MOK: variants seen among roughly 807,000 people sequenced by gnomAD.
MOK encodes the protein MOK protein kinase.
In MOK, 59 loss-of-function variants were observed where a neutral mutation model predicts 54.2. The ratio of observed to expected loss-of-function variants is 1.09; its 90% CI spans 0.88 to 1.35. The LOEUF (loss-of-function observed/expected upper bound fraction) is 1.35. Ranked by LOEUF, MOK falls within the 40% of genes most tolerant of loss-of-function variation. MOK has a pLI of 0.00. For missense variants in MOK, 517 were observed against 526.2 expected (o/e 0.98, Z 0.17); for synonymous variants, 210 against 202.7 (o/e 1.04, Z -0.31).
rs78208456 is a variant in MOK, at chr14:102,232,414, G to T, written c.866+121C>A. 1 of 1,204,880 alleles carries T rather than the reference G, an allele frequency of 8.3e-7. No individual in the cohort carries two copies. Among genetic ancestry groups the T allele is most frequent in the Non-Finnish European group, 1.2e-6 (1 of 862,774 alleles). The allele number at this position is 1,204,880 out of a possible 1,614,324, so 74.6% of individuals were successfully genotyped here. On this transcript the variant is annotated intron_variant, in intron 9 of 11. Coordinates refer to ENST00000361847, the MANE Select transcript of MOK (RefSeq NM_014226.3). This position sits in a 1 kb window ranked among gnomAD's most constrained non-coding sequence, Gnocchi z 5.1. ...GAGGCCCTGACCACTCTTCAGGATA[G>T]AGAGCGCGATTCCCAAGAACCAGGG...
intron 7 of MOK, among the ~76,000 whole-genome samples, chr14:102,243,646 TC>T (rs1186784729): frequency 6.6e-6 from 1 of 152,172 alleles, no homozygotes; most frequent in Admixed American, 6.5e-5. Flanking sequence ...TTGTTGAGTC[TC>T]CCACAATTAC....
downstream of MOK, chr14:102,223,177 T>C: frequency 5.9e-6 from 1 of 169,536 alleles, no homozygotes; most frequent in Non-Finnish European, 1.2e-5. Flanking sequence ...ATATATATAA[T>C]ATATACATAT....
chr14:102,226,674 C>G (rs917926423), downstream of MOK, among the ~76,000 whole-genome samples: 1 of 152,208 alleles, frequency 6.6e-6, no homozygotes, highest in Non-Finnish European at 1.5e-5. This position sits in a 1 kb window ranked among gnomAD's most constrained non-coding sequence, Gnocchi z 4.8. Flanking sequence ...CAAGAGCAGG[C>G]AGGTGCAAGG....
chr14:102,219,220 T>G, the MOK span, among the ~76,000 whole-genome samples: 1 of 152,232 alleles, frequency 6.6e-6, no homozygotes, highest in Non-Finnish European at 1.5e-5. Context: ...ACAAGGTGAC[T>G]TTTTTCATTT....
intron 2 of MOK, among the ~76,000 whole-genome samples, chr14:102,266,328 ACAAAGCCTCACTGT>A: frequency 6.6e-6 from 1 of 150,832 alleles, no homozygotes; most frequent in African/African-American, 2.4e-5. Flanking sequence ...TGTTTTTGAG[ACAAAGCCTCACTGT>A]CATCCAGGCT....
chr14:102,243,482 G>C (rs991720684), intron 7 of MOK, among the ~76,000 whole-genome samples: 9 of 152,218 alleles, frequency 5.9e-5, no homozygotes, highest in Non-Finnish European at 1.3e-4. Flanking sequence ...CTGTGTGGCA[G>C]CTGCCGTCAC....
chr14:102,232,713 A>T lies in MOK; in HGVS notation c.693-5T>A. Reference sequence around the variant, plus strand: ...TCAAAATTCATAGCTCTCGACCTGTATTAAAAACCCAATGATAATAAATGG... The same window carrying T: ...TCAAAATTCATAGCTCTCGACCTGTTTTAAAAACCCAATGATAATAAATGG... On this transcript the variant is annotated splice_polypyrimidine_tract_variant and splice_region_variant and intron_variant, in intron 8 of 11. Transcript: ENST00000361847. This position sits in a 1 kb window ranked among gnomAD's most constrained non-coding sequence, Gnocchi z 5.1. The T allele has an allele frequency of 1.2e-6, 2 of 1,609,838 alleles. No homozygotes were observed. The highest frequency in any genetic ancestry group is 1.7e-6 in the Non-Finnish European group (2 of 1,177,040).
intron 2 of MOK, among the ~76,000 whole-genome samples, chr14:102,274,488 T>C (rs1277309640): frequency 1.3e-5 from 2 of 151,270 alleles, no homozygotes; most frequent in African/African-American, 4.9e-5. Flanking sequence ...ACTCCTGGGC[T>C]CAAGTGATCA....
chr14:102,299,165 CG>C (rs985091788), intron 1 of MOK, among the ~76,000 whole-genome samples: 1 of 149,532 alleles, frequency 6.7e-6, no homozygotes. Flanking sequence ...CTTTCCATGG[CG>C]GAAAAAAAAA....
intron 4 of MOK, among the ~76,000 whole-genome samples, chr14:102,258,331 A>G (rs1323081957): frequency 6.6e-6 from 1 of 152,018 alleles, no homozygotes; most frequent in Non-Finnish European, 1.5e-5. Context: ...CTCTTCCCTC[A>G]CGGTGGCCTC....
intron 1 of MOK, among the ~76,000 whole-genome samples, chr14:102,293,638 C>T (rs138987709): frequency 4.8e-4 from 60 of 123,830 alleles, no homozygotes; most frequent in African/African-American, 1.4e-3. Context: ...GCGGAGGTTG[C>T]GGTGAGCCAA....
At position 102,229,323 on chromosome 14, in the gene MOK, C is replaced by T. The variant is rs1597221902; in HGVS notation, c.1226G>A (p.Arg409His). The change falls in exon 12 of 12, where the codon CGC (arginine) becomes CAC (histidine). Residue 409 changes from arginine (R) to histidine (H), a missense_variant. Transcript: ENST00000361847. The part of the protein sequence containing the change: ...KDLKPAPQQC[R>H]LPTIVRKGGR ...GCCTTTCCGCACTATGGTGGGCAGG[C>T]GACACTGCTGCGGGGCAGGCTTAAG... 2 of 1,612,788 alleles carry T rather than the reference C, an allele frequency of 1.2e-6. No individual in the cohort carries two copies. The highest frequency in any genetic ancestry group is 1.7e-6 in the Non-Finnish European group (2 of 1,179,272).
Position 102,305,057 on chromosome 14 carries a change from C to A in MOK, c.-89G>T. The A allele has an allele frequency of 6.7e-7, 1 of 1,485,248 alleles. No homozygotes were observed. The highest frequency in any genetic ancestry group is 2.4e-5 in the East Asian group (1 of 41,868). The allele number at this position is 1,485,248 out of a possible 1,614,324, so 92.0% of individuals were successfully genotyped here. A position where few individuals can be genotyped will look rare whatever the true frequency, so the allele number is the denominator to read the frequency against. ...GGTTGTCCCCCTGCTTTCCACTTCCCTGAGGCGGGGTCCCGCACTAGGATC... is the reference window on the plus strand; with the variant it reads ...GGTTGTCCCCCTGCTTTCCACTTCCATGAGGCGGGGTCCCGCACTAGGATC... On this transcript the variant is annotated 5_prime_UTR_variant, in exon 1 of 12. In the 5' UTR this introduces an upstream ATG that the reference lacks. Coordinates refer to ENST00000361847, the MANE Select transcript of MOK (RefSeq NM_014226.3).
At position 102,229,524 on chromosome 14, in the gene MOK, A is replaced by T. The variant is rs2064463769; in HGVS notation, c.1115T>A (p.Leu372His). The T allele has an allele frequency of 1.9e-6, 3 of 1,614,188 alleles. No individual in the cohort carries two copies. The highest frequency in any genetic ancestry group is 2.5e-6 in the Non-Finnish European group (3 of 1,180,034). ...CACTCTTCCATTTGTTCCAGATCCAAGCACGGACTGCAGCGTGGGGCTGGA... is the reference window on the plus strand; with the variant it reads ...CACTCTTCCATTTGTTCCAGATCCATGCACGGACTGCAGCGTGGGGCTGGA... Reference protein sequence around the residue: ...SYSSPTLQSVLGSGTNGRVPV... With the variant: ...SYSSPTLQSVHGSGTNGRVPV... Residue 372 changes from leucine to histidine, a missense_variant, in exon 11 of 12, where the codon CTT (leucine) becomes CAT (histidine). Transcript: ENST00000361847.
intron 1 of MOK, among the ~76,000 whole-genome samples, chr14:102,298,691 G>T (rs2071746184): frequency 6.6e-6 from 1 of 152,216 alleles, no homozygotes; most frequent in Admixed American, 6.5e-5. Flanking sequence ...AAAGCAGGCT[G>T]CCCAAGCCAG....
At chr14:102,281,188 G>A (rs1423878284) in intron 2 of MOK, among the ~76,000 whole-genome samples, 1 of 152,060 alleles carries the variant, frequency 6.6e-6, no homozygotes, top group Non-Finnish European at 1.5e-5. Context: ...GCCGAGTGCT[G>A]TGACGCACGC....
In MOK at chr14:102,245,356, C is replaced by A. The variant is rs2066014338; in HGVS notation, c.590+5456G>T. ...AAAAATTTTCACTGCCCCAACACTT[C>A]AATACTATTTTATGTTATTTTTCTT... is the stretch of plus-strand genomic sequence containing the variant. On this transcript the variant is annotated intron_variant, in intron 7 of 11. Coordinates refer to ENST00000361847, the MANE Select transcript of MOK (RefSeq NM_014226.3). This position sits in a 1 kb window ranked among gnomAD's most constrained non-coding sequence, Gnocchi z 4.3. Among the ~76,000 whole-genome samples, 1 of 151,936 alleles carries A rather than the reference C, an allele frequency of 6.6e-6. No individual in the cohort carries two copies. Among genetic ancestry groups the A allele is most frequent in the African/African-American group, 2.4e-5 (1 of 41,316 alleles).
chr14:102,226,764 G>A (rs551292126), downstream of MOK, among the ~76,000 whole-genome samples: 16 of 152,256 alleles, frequency 1.1e-4, no homozygotes, highest in East Asian at 2.5e-3. This position sits in a 1 kb window ranked among gnomAD's most constrained non-coding sequence, Gnocchi z 4.8. Context: ...CATCACCCTC[G>A]GAATCTCCAC....
chr14:102,268,806 T>C (rs904178892), intron 2 of MOK, among the ~76,000 whole-genome samples: 1 of 151,812 alleles, frequency 6.6e-6, no homozygotes, highest in Non-Finnish European at 1.5e-5. Context: ...TCCCAGCTAC[T>C]CTGGAGGCTG....
Sources: allele counts gnomAD v4.1 joint callset (sites outside exome capture counted in the v4.1 genomes callset), GRCh38; gene constraint gnomAD v4.1.1; non-coding constraint Gnocchi (gnomAD v3.1); transcripts MANE v1.5; gene names NCBI Gene and HGNC (gene_info 2026-07-23, HGNC 2026-07-21).